The following KHDRBS2 variants were observed in gnomAD, a reference collection of about 807,000 sequenced individuals.
The protein encoded by KHDRBS2 is KH domain-containing, RNA-binding, signal transduction-associated protein 2.
A neutral mutation model predicts 44.3 loss-of-function variants in KHDRBS2; 26 were observed. The ratio of observed to expected loss-of-function variants is 0.59; its 90% CI spans 0.43 to 0.81. KHDRBS2 has a LOEUF of 0.81. KHDRBS2 is among the 40% of genes least tolerant of loss of function. KHDRBS2 has a pLI of 0.00. For synonymous variants in KHDRBS2, 194 were observed against 151.1 expected (o/e 1.28, Z -2.08); for missense variants, 476 against 433.1 (o/e 1.10, Z -0.88).
At chr6:62,089,268 C>CAAA (rs34948262) in intron 2 of KHDRBS2, among the ~76,000 whole-genome samples, 2,602 of 111,874 alleles carry the variant, frequency 0.023, 55 homozygotes, top group Middle Eastern at 0.037. Flanking sequence ...CACTGGGTTA[C>CAAA]AAAAAAAAAA....
chr6:62,108,947 G>A (rs1004933819), intron 2 of KHDRBS2, among the ~76,000 whole-genome samples: 1 of 152,108 alleles, frequency 6.6e-6, no homozygotes, highest in Admixed American at 6.6e-5. Flanking sequence ...GGACTGTTGT[G>A]AGGTGGGAGG....
chr6:62,038,943 G>C (rs1454439209), intron 3 of KHDRBS2, among the ~76,000 whole-genome samples: 1 of 151,814 alleles, frequency 6.6e-6, no homozygotes, highest in East Asian at 1.9e-4. Flanking sequence ...ATAATGTATT[G>C]TATGTTACAA....
intron 4 of KHDRBS2, among the ~76,000 whole-genome samples, chr6:61,932,381 C>A (rs1335430436): frequency 6.6e-6 from 1 of 152,152 alleles, no homozygotes; most frequent in Non-Finnish European, 1.5e-5. Flanking sequence ...TTTATTCCTC[C>A]TATCTAACTG....
chr6:62,231,005 C>T (rs1210652521), intron 1 of KHDRBS2, among the ~76,000 whole-genome samples: 1 of 152,120 alleles, frequency 6.6e-6, no homozygotes, highest in Non-Finnish European at 1.5e-5. Flanking sequence ...TTTAAGTACA[C>T]ATTTGAGTTA....
At chr6:62,189,373 C>T (rs925898191) in intron 1 of KHDRBS2, among the ~76,000 whole-genome samples, 5 of 151,748 alleles carry the variant, frequency 3.3e-5, no homozygotes, top group African/African-American at 9.7e-5. Flanking sequence ...TATACTTTCA[C>T]TTCTTAAGAG....
intron 6 of KHDRBS2, among the ~76,000 whole-genome samples, chr6:61,770,630 T>A (rs1780726343): frequency 1.3e-5 from 2 of 152,072 alleles, no homozygotes; most frequent in African/African-American, 4.8e-5. Flanking sequence ...AAGAGAAGTT[T>A]AGGGGAAAAA....
intron 4 of KHDRBS2, among the ~76,000 whole-genome samples, chr6:61,933,020 A>G (rs1289458823): frequency 3.9e-5 from 6 of 152,186 alleles, no homozygotes; most frequent in Non-Finnish European, 7.3e-5. Flanking sequence ...TGCTATAAAG[A>G]AATACCGGAA....
At chr6:62,056,064 G>A (rs1456575158) in intron 2 of KHDRBS2, among the ~76,000 whole-genome samples, 5 of 151,882 alleles carry the variant, frequency 3.3e-5, no homozygotes, top group Non-Finnish European at 7.4e-5. Flanking sequence ...ACGGCCTGTT[G>A]GTGGAACTTT....
chr6:62,116,329 T>C (rs1409532194), intron 2 of KHDRBS2, among the ~76,000 whole-genome samples: 3 of 152,138 alleles, frequency 2.0e-5, no homozygotes, highest in Admixed American at 6.6e-5. Context: ...CTTGGTCCTC[T>C]TTGACCAACA....
chr6:61,606,175 TCTCTTTTCGGA>T, the KHDRBS2 span, among the ~76,000 whole-genome samples: 1 of 152,100 alleles, frequency 6.6e-6, no homozygotes, highest in Non-Finnish European at 1.5e-5. Context: ...CTTCGCTGAG[TCTCTTTTCGGA>T]CTCAGCCTGC....
At chr6:61,563,027 A>G in the KHDRBS2 span, among the ~76,000 whole-genome samples, 1 of 152,118 alleles carries the variant, frequency 6.6e-6, no homozygotes, top group Non-Finnish European at 1.5e-5. Flanking sequence ...CAATAATAAG[A>G]GTGCTTCCTA....
At chr6:61,546,440 G>T in the KHDRBS2 span, among the ~76,000 whole-genome samples, 3 of 152,024 alleles carry the variant, frequency 2.0e-5, no homozygotes, top group South Asian at 2.1e-4. Context: ...CTTGGAAACT[G>T]TGACTTCAAG....
chr6:61,561,229 G>T, the KHDRBS2 span, among the ~76,000 whole-genome samples: 1 of 151,978 alleles, frequency 6.6e-6, no homozygotes, highest in South Asian at 2.1e-4. Flanking sequence ...CTCTCACTCT[G>T]TCTCTCTCCT....
the KHDRBS2 span, among the ~76,000 whole-genome samples, chr6:61,571,524 T>G: frequency 6.6e-6 from 1 of 151,412 alleles, no homozygotes; most frequent in African/African-American, 2.4e-5. Flanking sequence ...AGAAAGTCAA[T>G]AAACAATGGA....
rs563158924 is a variant in KHDRBS2, at chr6:61,783,299, A to T, written c.811-50535T>A. On this transcript the variant is annotated intron_variant, in intron 6 of 8. Coordinates refer to ENST00000281156, the MANE Select transcript of KHDRBS2 (RefSeq NM_152688.4). ...TTGGTCTTTCTTCTTAGCCTGATAC[A>T]TCTTTACTCATCCTTTAAGCTCAGC... Among the ~76,000 whole-genome samples the T allele has an allele frequency of 5.9e-5, 9 of 152,146 alleles. No homozygotes were observed. The South Asian group carries it at 1.0e-3, about 18-fold the overall frequency.
At chr6:62,109,551 C>A (rs923062236) in intron 2 of KHDRBS2, among the ~76,000 whole-genome samples, 5 of 151,538 alleles carry the variant, frequency 3.3e-5, no homozygotes, top group Admixed American at 3.3e-4. Context: ...CCAATGGAAT[C>A]TATATAAAAG....
rs538610660 is a variant in KHDRBS2, at chr6:62,083,227, C to T, written c.220-35233G>A. On this transcript the variant is annotated intron_variant, in intron 2 of 8. Coordinates refer to ENST00000281156, the MANE Select transcript of KHDRBS2 (RefSeq NM_152688.4). Reference sequence around the variant, plus strand: ...GAGAAGAGAAGAACCAGCTTAACATCGGTGAGAAGCAGCTTGACTCCAGAG... The same window carrying T: ...GAGAAGAGAAGAACCAGCTTAACATTGGTGAGAAGCAGCTTGACTCCAGAG... Among the ~76,000 whole-genome samples, 92 of 152,162 alleles carry T rather than the reference C, an allele frequency of 6.0e-4. 1 individual carries two copies. In the South Asian group the frequency reaches 0.013, roughly 22 times the overall value.
chr6:61,768,924 C>T (rs1425364840), intron 6 of KHDRBS2, among the ~76,000 whole-genome samples: 1 of 152,022 alleles, frequency 6.6e-6, no homozygotes, highest in Non-Finnish European at 1.5e-5. Context: ...TTTGTCTCCT[C>T]CCCCTACCTT....
At chr6:61,600,938 C>T in the KHDRBS2 span, among the ~76,000 whole-genome samples, 1 of 152,144 alleles carries the variant, frequency 6.6e-6, no homozygotes, top group African/African-American at 2.4e-5. Flanking sequence ...TATCTATGGA[C>T]CCAAAACTCC....
Sources: gnomAD v4.1 joint callset for allele counts (sites outside exome capture counted in the v4.1 genomes callset) on GRCh38, gnomAD v4.1.1 for gene constraint, MANE v1.5 for transcripts, NCBI Gene and HGNC (gene_info 2026-07-23, HGNC 2026-07-21) for gene names.